The following FER1L6 variants were observed in gnomAD, a reference collection of about 807,000 sequenced individuals.
FER1L6 encodes the protein fer-1 like family member 6.
Under a neutral mutation model 219.2 loss-of-function variants are expected in FER1L6, and 177 were observed. The observed-to-expected ratio is 0.81, with a 90% CI of 0.71 to 0.91. The LOEUF (loss-of-function observed/expected upper bound fraction) is 0.91. FER1L6 is among the 40% of genes least tolerant of loss of function. The pLI is 0.00. For synonymous variants in FER1L6, 768 were observed against 824.3 expected (o/e 0.93, Z 1.17); for missense variants, 2,153 against 2,259.9 (o/e 0.95, Z 0.96).
chr8:124,076,443 A>G (rs1821296599), intron 32 of FER1L6, 118 bp downstream of exon 32: 2 of 992,360 alleles, frequency 2.0e-6, no homozygotes, highest in Non-Finnish European at 3.1e-6. Flanking sequence ...AGGAGGTTAA[A>G]TACTGGCTTC....
At chr8:124,062,587 G>A (rs569357116) in intron 25 of FER1L6, among the ~76,000 whole-genome samples, 1 of 152,210 alleles carries the variant, frequency 6.6e-6, no homozygotes, top group South Asian at 2.1e-4. Context: ...TCTGTTTTAA[G>A]CTCTATCCAT....
At chr8:123,940,677 T>C (rs758792486) in intron 1 of FER1L6, among the ~76,000 whole-genome samples, 2 of 152,176 alleles carry the variant, frequency 1.3e-5, no homozygotes, top group Non-Finnish European at 2.9e-5. Flanking sequence ...TGATCTGTCT[T>C]TTGCATCTCT....
intron 19 of FER1L6, 39 bp from the exon 20 acceptor site, chr8:124,039,843 G>A (rs1819396696): frequency 6.2e-7 from 1 of 1,613,414 alleles, no homozygotes; most frequent in Non-Finnish European, 8.5e-7. Context: ...TTCTTGAAAA[G>A]CCCACTAACA....
chr8:124,118,818 A>G, intron 39 of FER1L6, 26 bp from the exon 40 acceptor site: 1 of 1,608,796 alleles, frequency 6.2e-7, no homozygotes, highest in Non-Finnish European at 8.5e-7. Flanking sequence ...GTGACTGGAA[A>G]CAAAAGGTTT....
At chr8:123,895,239 A>G (rs369850111) in intron 1 of FER1L6, among the ~76,000 whole-genome samples, 7 of 152,216 alleles carry the variant, frequency 4.6e-5, no homozygotes, top group African/African-American at 1.7e-4. Flanking sequence ...TTTTGACAGC[A>G]TGAAAGTCAA....
intron 1 of FER1L6, among the ~76,000 whole-genome samples, chr8:123,887,311 G>T (rs78800184): frequency 6.6e-6 from 1 of 152,042 alleles, no homozygotes; most frequent in African/African-American, 2.4e-5. Context: ...CCAAACCCCC[G>T]GTGTTTTGGT....
At chr8:123,966,328 A>T (rs1815539295) in intron 5 of FER1L6, 38 bp downstream of exon 5, 2 of 1,611,146 alleles carry the variant, frequency 1.2e-6, no homozygotes, top group Non-Finnish European at 1.7e-6. Context: ...TTGCACTAAG[A>T]TTCTCTTCAC....
chr8:124,014,595 C>T (rs1376669798), intron 15 of FER1L6: 1 of 152,518 alleles, frequency 6.6e-6, no homozygotes, highest in African/African-American at 2.4e-5. Context: ...GAGAGAAACC[C>T]TGGTTCTGAG....
intron 1 of FER1L6, among the ~76,000 whole-genome samples, chr8:123,955,130 A>G (rs566073210): frequency 1.3e-5 from 2 of 152,208 alleles, no homozygotes; most frequent in Admixed American, 6.5e-5. Flanking sequence ...GCTTACGGGC[A>G]TGGTGGCAGG....
intron 1 of FER1L6, among the ~76,000 whole-genome samples, chr8:123,913,936 A>G (rs1345010984): frequency 6.6e-6 from 1 of 152,162 alleles, no homozygotes; most frequent in Non-Finnish European, 1.5e-5. Flanking sequence ...AACATGAGAA[A>G]GGTCTGGATA....
intron 18 of FER1L6, among the ~76,000 whole-genome samples, chr8:124,034,335 T>C (rs1819107979): frequency 6.6e-6 from 1 of 152,052 alleles, no homozygotes; most frequent in Non-Finnish European, 1.5e-5. Flanking sequence ...CTTAGAGGGG[T>C]AAGGGAGTAC....
chr8:123,884,634 T>C (rs756127989), intron 1 of FER1L6, among the ~76,000 whole-genome samples: 6 of 152,188 alleles, frequency 3.9e-5, no homozygotes, highest in Non-Finnish European at 8.8e-5. Context: ...AGGAAAAAGA[T>C]GGCAGGCTCA....
At chr8:124,034,637 C>T (rs1272513806) in intron 18 of FER1L6, among the ~76,000 whole-genome samples, 1 of 152,216 alleles carries the variant, frequency 6.6e-6, no homozygotes, top group East Asian at 1.9e-4. Flanking sequence ...TGAGACCACA[C>T]TGCATGAGGA....
Position 123,981,014 on chromosome 8 carries a change from T to C in FER1L6, c.1410+203T>C, listed in dbSNP as rs143396521. ...AGCCATCTGCCTATGATAAATTCCT[T>C]TGAATCCCCCACTCCCCCAAATACA... is the stretch of plus-strand genomic sequence containing the variant. On this transcript the variant is annotated intron_variant, in intron 11 of 40. Coordinates refer to ENST00000522917, the MANE Select transcript of FER1L6 (RefSeq NM_001039112.2). Among the ~76,000 whole-genome samples the C allele has an allele frequency of 2.5e-3, 388 of 152,278 alleles. 2 individuals are homozygous for C. Among genetic ancestry groups the C allele is most frequent in the African/African-American group, 8.7e-3 (362 of 41,568 alleles).
At position 123,883,787 on chromosome 8, in the gene FER1L6, T is replaced by C. The variant is rs185171714; in HGVS notation, c.-8+31602T>C. On this transcript the variant is annotated intron_variant, in intron 1 of 40. Coordinates refer to ENST00000522917, the MANE Select transcript of FER1L6 (RefSeq NM_001039112.2). Reference sequence around the variant, plus strand: ...GAACATGGTGTCAGGGATTGAAGGATAAAAAGGACAAACAGCTCTCTTGCA... The same window carrying C: ...GAACATGGTGTCAGGGATTGAAGGACAAAAAGGACAAACAGCTCTCTTGCA... Among the ~76,000 whole-genome samples the C allele has an allele frequency of 4.6e-5, 7 of 152,298 alleles. No homozygotes were observed. In the East Asian group the frequency reaches 1.4e-3, roughly 29 times the overall value.
chr8:123,926,808 A>T (rs1813578819), intron 1 of FER1L6, among the ~76,000 whole-genome samples: 1 of 152,162 alleles, frequency 6.6e-6, no homozygotes, highest in South Asian at 2.1e-4. Flanking sequence ...ATATATTCTA[A>T]GTAATATATC....
At chr8:123,871,693 A>C (rs2116360) in intron 1 of FER1L6, among the ~76,000 whole-genome samples, 76,483 of 152,034 alleles carry the variant, frequency 0.5, 19,721 homozygotes, top group Middle Eastern at 0.58. Flanking sequence ...TAAAGCATAG[A>C]TTCCCACTCC....
chr8:123,880,064 G>A (rs1817079492), intron 1 of FER1L6, among the ~76,000 whole-genome samples: 1 of 152,054 alleles, frequency 6.6e-6, no homozygotes, highest in South Asian at 2.1e-4. Context: ...AAAGCTATTT[G>A]AAAATTATGA....
At chr8:123,994,199 T>C (rs1191554805) in intron 12 of FER1L6, among the ~76,000 whole-genome samples, 1 of 152,174 alleles carries the variant, frequency 6.6e-6, no homozygotes, top group Non-Finnish European at 1.5e-5. Flanking sequence ...CTCTGGCATC[T>C]CAGGCAATGA....
Sources: allele counts gnomAD v4.1 joint callset (sites outside exome capture counted in the v4.1 genomes callset), GRCh38; gene constraint gnomAD v4.1.1; transcripts MANE v1.5; gene names NCBI Gene and HGNC (gene_info 2026-07-23, HGNC 2026-07-21).